Variants in SYN2 observed in about 807,000 individuals in gnomAD.
SYN2 encodes synapsin-2.
In SYN2, 19 loss-of-function variants were observed where a neutral mutation model predicts 50.9. The observed-to-expected ratio is 0.37, with a 90% confidence interval of 0.26 to 0.55. The LOEUF (loss-of-function observed/expected upper bound fraction) is 0.55, where lower values mean the gene tolerates loss of function less well. Among genes scored for constraint, SYN2 ranks in the 20% least tolerant of loss-of-function variants. The pLI is 0.81. For missense variants in SYN2, 587 were observed against 576.4 expected, an observed-to-expected ratio of 1.02 and a Z score of -0.19; for synonymous variants, 255 against 224.9, an observed-to-expected ratio of 1.13 and a Z score of -1.20.
At chr3:12,174,246 C>T (rs941928630) in intron 10 of SYN2, among the ~76,000 whole-genome samples, 6 of 2,642 alleles carry the variant, frequency 2.3e-3, no homozygotes, top group African/African-American at 0.012. Context: ...CTAACTCTTG[C>T]TTGACATCCT....
rs745549124 is a variant in SYN2, at chr3:12,169,757, G to C, written c.1159G>C (p.Val387Leu). Residue 387 changes from valine (V) to leucine (L), a missense_variant and splice_region_variant, in exon 10 of 13, where the codon GTC becomes CTC. Physicochemically the swap from Val to Leu is conservative, Grantham distance 32 (BLOSUM62 1). Transcript: ENST00000621198. Reference sequence around the variant, plus strand: ...TCACCTGGGACACATCTCCCACCAGGTCATGGACTGTAGCATGCCACTGAT... The same window carrying C: ...TCACCTGGGACACATCTCCCACCAGCTCATGGACTGTAGCATGCCACTGAT... ...GKDGKDYIFE[V>L]MDCSMPLIGE... is the part of the protein sequence containing the mutation. 4 of 1,613,834 alleles carry C rather than the reference G, an allele frequency of 2.5e-6. No homozygotes were observed. Among genetic ancestry groups the C allele is most frequent in the Non-Finnish European group, 3.4e-6 (4 of 1,179,820 alleles).
intron 1 of SYN2, among the ~76,000 whole-genome samples, chr3:12,066,343 T>TA (rs1559406285): frequency 6.6e-6 from 1 of 151,872 alleles, no homozygotes; most frequent in South Asian, 2.1e-4. Context: ...AAAATAAAAT[T>TA]AAAAAAATGA....
chr3:12,101,548 G>T (rs1010338882), intron 1 of SYN2, among the ~76,000 whole-genome samples: 3 of 152,088 alleles, frequency 2.0e-5, no homozygotes, highest in African/African-American at 7.2e-5. Context: ...AAAATTTCTA[G>T]AATTAGATAG....
chr3:12,101,862 T>G (rs1261134950), intron 1 of SYN2, among the ~76,000 whole-genome samples: 1 of 152,122 alleles, frequency 6.6e-6, no homozygotes, highest in Non-Finnish European at 1.5e-5. Context: ...GCAAAATCAC[T>G]AGGAAGGCAT....
chr3:12,167,175 GCCC>G (rs1697821140), intron 7 of SYN2, 56 bp from the exon 8 acceptor site: 9 of 1,553,430 alleles, frequency 5.8e-6, no homozygotes, highest in Middle Eastern at 1.7e-4. Flanking sequence ...AAAGTTGCAT[GCCC>G]TCCTCTTGCT....
chr3:12,062,409 AAC>A (rs1433365745), intron 1 of SYN2, among the ~76,000 whole-genome samples: 10 of 152,006 alleles, frequency 6.6e-5, no homozygotes, highest in Non-Finnish European at 1.3e-4. Context: ...TCTGGAAGAA[AAC>A]ACAGGAGGAA....
intron 7 of SYN2, 102 bp downstream of exon 7, chr3:12,162,256 C>A: frequency 1.4e-6 from 2 of 1,454,596 alleles, no homozygotes; most frequent in South Asian, 1.5e-5. Context: ...CCACTTAAGT[C>A]AGAGATTTTT....
intron 1 of SYN2, among the ~76,000 whole-genome samples, chr3:12,120,630 G>C (rs1209525448): frequency 2.0e-5 from 3 of 152,182 alleles, no homozygotes; most frequent in Non-Finnish European, 2.9e-5. Flanking sequence ...CAAGCCCTTG[G>C]AGGTGGTAGT....
intron 1 of SYN2, among the ~76,000 whole-genome samples, chr3:12,094,862 G>T (rs972533962): frequency 6.6e-6 from 1 of 152,186 alleles, no homozygotes; most frequent in Non-Finnish European, 1.5e-5. Context: ...AATGCTAGAA[G>T]AAAAACAGGT....
intron 1 of SYN2, among the ~76,000 whole-genome samples, chr3:12,119,334 C>T (rs1400239675): frequency 6.6e-6 from 1 of 152,126 alleles, no homozygotes; most frequent in Admixed American, 6.5e-5. Flanking sequence ...CTGAGCTTCC[C>T]ATCTCACTTT....
intron 1 of SYN2, among the ~76,000 whole-genome samples, chr3:12,044,179 T>TCA (rs1436934204): frequency 1.5e-3 from 93 of 60,962 alleles, no homozygotes; most frequent in Non-Finnish European, 2.6e-3. Context: ...TCTCTCTCTC[T>TCA]CTCACACACA....
intron 1 of SYN2, among the ~76,000 whole-genome samples, chr3:12,011,972 G>A (rs557215969): frequency 3.3e-5 from 5 of 152,254 alleles, no homozygotes; most frequent in Admixed American, 1.3e-4. Flanking sequence ...GTTTCCAGCC[G>A]CAGGTATCTG....
chr3:12,159,969 G>A (rs1040854750), intron 5 of SYN2, among the ~76,000 whole-genome samples: 10 of 150,150 alleles, frequency 6.7e-5, no homozygotes, highest in Admixed American at 2.0e-4. Flanking sequence ...CTTGAACCCA[G>A]GAGGCGGAGG....
chr3:12,100,099 T>C (rs1052230428), intron 1 of SYN2, among the ~76,000 whole-genome samples: 1 of 152,152 alleles, frequency 6.6e-6, no homozygotes, highest in Non-Finnish European at 1.5e-5. Context: ...TGGATTACAT[T>C]GAACCTGTGC....
chr3:12,097,026 T>C (rs1009012896), intron 1 of SYN2, among the ~76,000 whole-genome samples: 3 of 152,126 alleles, frequency 2.0e-5, no homozygotes, highest in African/African-American at 7.2e-5. Flanking sequence ...CAAGAATTTA[T>C]TCATCCAGAG....
chr3:12,082,226 A>G (rs1182662312), intron 1 of SYN2, among the ~76,000 whole-genome samples: 2 of 152,222 alleles, frequency 1.3e-5, no homozygotes, highest in Admixed American at 1.3e-4. Flanking sequence ...AGTTGTGACA[A>G]GGGTGATATG....
chr3:12,020,417 T>A (rs1401561290), intron 1 of SYN2, among the ~76,000 whole-genome samples: 1 of 150,440 alleles, frequency 6.6e-6, no homozygotes, highest in Non-Finnish European at 1.5e-5. Flanking sequence ...TATGGAAGGT[T>A]CCTGGAGTAG....
chr3:12,187,793 T>C (rs1056831460), intron 12 of SYN2, among the ~76,000 whole-genome samples, 181 bp downstream of exon 12: 1 of 150,516 alleles, frequency 6.6e-6, no homozygotes, highest in Admixed American at 6.6e-5. Context: ...TGTGTGTGTT[T>C]GGTTAAAGGA....
intron 1 of SYN2, among the ~76,000 whole-genome samples, chr3:12,126,072 T>C (rs1005870734): frequency 1.3e-5 from 2 of 152,222 alleles, no homozygotes; most frequent in African/African-American, 4.8e-5. Flanking sequence ...GGAAAGCTAC[T>C]CTTGGCCTCA....
Sources: gnomAD v4.1 joint callset for allele counts (sites outside exome capture counted in the v4.1 genomes callset) on GRCh38, gnomAD v4.1.1 for gene constraint, MANE v1.5 for transcripts, NCBI Gene and HGNC (gene_info 2026-07-23, HGNC 2026-07-21) for gene names.